Variants in PAK5 observed in about 807,000 individuals in gnomAD.
The protein encoded by PAK5 is serine/threonine-protein kinase PAK 5.
PAK5 carries 16 observed loss-of-function variants against 65.9 expected under a neutral mutation model. That is an observed-to-expected ratio of 0.24 (90% CI 0.16 to 0.37). The LOEUF (loss-of-function observed/expected upper bound fraction) is 0.37. Ranked by LOEUF, PAK5 falls within the 10% of genes least tolerant of loss-of-function variation. PAK5 has a pLI of 1.00. For missense variants in PAK5, 785 were observed against 903.9 expected, an observed-to-expected ratio of 0.87 and a Z score of 1.69; for synonymous variants, 371 against 354.9, an observed-to-expected ratio of 1.05 and a Z score of -0.51.
chr20:9,831,533 G>T (rs976950708), intron 1 of PAK5, among the ~76,000 whole-genome samples: 3 of 151,854 alleles, frequency 2.0e-5, no homozygotes. Context: ...TCCAAGGCAG[G>T]GCCTCACTCT....
intron 3 of PAK5, among the ~76,000 whole-genome samples, chr20:9,599,801 C>T (rs193099220): frequency 2.6e-4 from 40 of 152,234 alleles, no homozygotes; most frequent in African/African-American, 6.0e-4. Flanking sequence ...TCATATTCTA[C>T]GGATTTTCAC....
At chr20:9,756,554 A>G (rs888198876) in intron 1 of PAK5, among the ~76,000 whole-genome samples, 7 of 151,974 alleles carry the variant, frequency 4.6e-5, no homozygotes, top group East Asian at 1.9e-4. Flanking sequence ...TGTAAAATAC[A>G]CACCAAATCT....
chr20:9,798,109 T>G (rs2049126490), intron 1 of PAK5, among the ~76,000 whole-genome samples: 1 of 152,092 alleles, frequency 6.6e-6, no homozygotes, highest in African/African-American at 2.4e-5. Context: ...AAAATCTACT[T>G]CAGTGGCAAT....
intron 1 of PAK5, among the ~76,000 whole-genome samples, chr20:9,766,402 A>T (rs543166624): frequency 4.2e-4 from 28 of 67,292 alleles, no homozygotes; most frequent in African/African-American, 6.3e-4. Context: ...ATATATATTC[A>T]AGCAGAATAT....
intron 9 of PAK5, among the ~76,000 whole-genome samples, chr20:9,540,567 T>C (rs1193988489): frequency 6.6e-6 from 1 of 152,188 alleles, no homozygotes; most frequent in Non-Finnish European, 1.5e-5. Context: ...AATTACTGTG[T>C]AGTATTCACT....
intron 3 of PAK5, among the ~76,000 whole-genome samples, chr20:9,632,488 T>C (rs2046935002): frequency 6.6e-6 from 1 of 152,176 alleles, no homozygotes; most frequent in African/African-American, 2.4e-5. Context: ...ATTACATGCA[T>C]AATGAAAGAC....
intron 2 of PAK5, among the ~76,000 whole-genome samples, chr20:9,701,093 T>G (rs1452471495): frequency 6.6e-6 from 1 of 152,134 alleles, no homozygotes; most frequent in East Asian, 1.9e-4. Context: ...CTACTTTGCC[T>G]TACACCGTGT....
chr20:9,660,954 C>T (rs1405457258), intron 2 of PAK5, among the ~76,000 whole-genome samples: 2 of 152,044 alleles, frequency 1.3e-5, no homozygotes, highest in African/African-American at 2.4e-5. Context: ...TTTAAAAATG[C>T]AAATTTTGGA....
intron 3 of PAK5, among the ~76,000 whole-genome samples, chr20:9,635,990 A>G (rs909687460): frequency 6.6e-6 from 1 of 152,178 alleles, no homozygotes; most frequent in African/African-American, 2.4e-5. Flanking sequence ...ACTCTCAGAA[A>G]GTAAAGGAGG....
chr20:9,552,880 C>T (rs542146553), intron 7 of PAK5, among the ~76,000 whole-genome samples: 2 of 151,870 alleles, frequency 1.3e-5, no homozygotes, highest in Admixed American at 6.6e-5. Flanking sequence ...GCCACCATAT[C>T]CAGCTAATTT....
intron 1 of PAK5, among the ~76,000 whole-genome samples, chr20:9,749,762 T>C (rs2048552886): frequency 6.6e-6 from 1 of 152,180 alleles, no homozygotes; most frequent in Admixed American, 6.6e-5. Flanking sequence ...ATCAATTCAT[T>C]GCTTCCTTCA....
chr20:9,750,511 T>C (rs997288389), intron 1 of PAK5, among the ~76,000 whole-genome samples: 6 of 152,192 alleles, frequency 3.9e-5, no homozygotes, highest in Non-Finnish European at 8.8e-5. Context: ...ATACAACTAC[T>C]CATTATATGG....
intron 9 of PAK5, among the ~76,000 whole-genome samples, chr20:9,541,932 T>C (rs571520387): frequency 4.5e-4 from 69 of 152,324 alleles, no homozygotes; most frequent in African/African-American, 1.6e-3. Flanking sequence ...TGCTTCCCCT[T>C]CGCCTTCTGC....
intron 1 of PAK5, among the ~76,000 whole-genome samples, chr20:9,714,205 T>C (rs1438323219): frequency 6.6e-6 from 1 of 152,084 alleles, no homozygotes; most frequent in Non-Finnish European, 1.5e-5. Context: ...TAATTATTGC[T>C]CCTCCAATTT....
At chr20:9,663,122 G>A (rs1284912432) in intron 2 of PAK5, among the ~76,000 whole-genome samples, 1 of 152,154 alleles carries the variant, frequency 6.6e-6, no homozygotes, top group Non-Finnish European at 1.5e-5. Flanking sequence ...ATACATTATA[G>A]CAGATTAAGT....
At chr20:9,771,814 C>A (rs566982656) in intron 1 of PAK5, among the ~76,000 whole-genome samples, 1 of 151,920 alleles carries the variant, frequency 6.6e-6, no homozygotes, top group Non-Finnish European at 1.5e-5. Context: ...CGGGGGAGGG[C>A]GGATCACTTG....
At chr20:9,553,925 C>T (rs945279529) in intron 7 of PAK5, among the ~76,000 whole-genome samples, 2 of 152,080 alleles carry the variant, frequency 1.3e-5, no homozygotes, top group African/African-American at 4.8e-5. Context: ...AAAGAACTGC[C>T]AAAGTATTTT....
Position 9,815,615 on chromosome 20 carries a change from G to T in PAK5, c.-162+23147C>A, listed in dbSNP as rs73898606. Among the ~76,000 whole-genome samples the T allele has an allele frequency of 2.7e-3, 408 of 152,198 alleles. 2 individuals carry two copies. The highest frequency in any genetic ancestry group is 9.5e-3 in the African/African-American group (394 of 41,532). On this transcript the variant is annotated intron_variant, in intron 1 of 9. Transcript: ENST00000353224. ...GGTCCCGTCGGTTATAATTCTCTGTGTTCTGAATTTTCTGCTTTTCTCACT... is the reference window on the plus strand; with the variant it reads ...GGTCCCGTCGGTTATAATTCTCTGTTTTCTGAATTTTCTGCTTTTCTCACT...
At chr20:9,573,323 T>C (rs2045824812) in intron 4 of PAK5, among the ~76,000 whole-genome samples, 1 of 152,200 alleles carries the variant, frequency 6.6e-6, no homozygotes, top group Non-Finnish European at 1.5e-5. Flanking sequence ...GCTCAACATC[T>C]CTAAAGATAG....
Sources: gnomAD v4.1 joint callset for allele counts (sites outside exome capture counted in the v4.1 genomes callset) on GRCh38, gnomAD v4.1.1 for gene constraint, MANE v1.5 for transcripts, NCBI Gene and HGNC (gene_info 2026-07-23, HGNC 2026-07-21) for gene names.